CCDC3: variants seen among roughly 807,000 people sequenced by gnomAD.
CCDC3 encodes the protein coiled-coil domain-containing protein 3.
A neutral mutation model predicts 21.4 loss-of-function variants in CCDC3; 24 were observed. The ratio of observed to expected loss-of-function variants is 1.12; its 90% CI spans 0.81 to 1.58. The LOEUF (loss-of-function observed/expected upper bound fraction) is 1.58, where lower values mean the gene tolerates loss of function less well. CCDC3 is among the 40% of genes most tolerant of loss of function. The pLI is 0.00. For missense variants in CCDC3, 425 were observed against 360.9 expected, an observed-to-expected ratio of 1.18 and a Z score of -1.44; for synonymous variants, 186 against 166.0, an observed-to-expected ratio of 1.12 and a Z score of -0.93.
chr10:13,096,120 T>TTCCC, intron 3 of CCDC3, among the ~76,000 whole-genome samples: 1 of 151,512 alleles, frequency 6.6e-6, no homozygotes, highest in East Asian at 2.0e-4. Context: ...CCTTCCTTCC[T>TTCCC]TCCCTCCTTC....
upstream of CCDC3, among the ~76,000 whole-genome samples, chr10:13,005,124 CA>C (rs1835911179): frequency 6.6e-6 from 1 of 152,186 alleles, no homozygotes; most frequent in Non-Finnish European, 1.5e-5. Flanking sequence ...TAGCATACAA[CA>C]AAATCTGCTG....
At chr10:13,098,375 G>T (rs1257909295) in intron 3 of CCDC3, 1 of 151,636 alleles carries the variant, frequency 6.6e-6, no homozygotes, top group African/African-American at 2.4e-5. Flanking sequence ...GTGCAGTGCT[G>T]CAATCACAGC....
At chr10:13,055,713 C>G (rs1052930545) in intron 4 of CCDC3, among the ~76,000 whole-genome samples, 1 of 152,164 alleles carries the variant, frequency 6.6e-6, no homozygotes, top group Non-Finnish European at 1.5e-5. Context: ...ATTACGGTAC[C>G]TTTATCTTCA....
intron 2 of CCDC3, among the ~76,000 whole-genome samples, chr10:12,922,218 G>A (rs954015385): frequency 1.3e-5 from 2 of 152,146 alleles, no homozygotes; most frequent in Non-Finnish European, 2.9e-5. Flanking sequence ...CATGAGTGCC[G>A]TGTTTGTGAA....
At chr10:13,025,913 G>A (rs910167254) in intron 5 of CCDC3, among the ~76,000 whole-genome samples, 2 of 152,174 alleles carry the variant, frequency 1.3e-5, no homozygotes, top group Middle Eastern at 3.2e-3. Flanking sequence ...GGGCATGGTG[G>A]CTCACGCCTG....
At chr10:13,059,890 C>T (rs1470144661) in intron 4 of CCDC3, among the ~76,000 whole-genome samples, 1 of 152,006 alleles carries the variant, frequency 6.6e-6, no homozygotes, top group African/African-American at 2.4e-5. Context: ...GAGATGAGAC[C>T]ATCCTGGCCA....
chr10:12,917,488 G>C (rs2482076), intron 2 of CCDC3, among the ~76,000 whole-genome samples: 1 of 152,038 alleles, frequency 6.6e-6, no homozygotes, highest in African/African-American at 2.4e-5. Flanking sequence ...GAGCCACTGC[G>C]CCCGGCCAGA....
chr10:13,082,581 G>A (rs1170936047), intron 3 of CCDC3, among the ~76,000 whole-genome samples: 4 of 152,180 alleles, frequency 2.6e-5, no homozygotes, highest in Non-Finnish European at 5.9e-5. Context: ...CTCCCCTGGG[G>A]AAAGGGAGAC....
intron 2 of CCDC3, among the ~76,000 whole-genome samples, chr10:12,962,317 G>A (rs1418460993): frequency 1.3e-5 from 2 of 152,152 alleles, no homozygotes; most frequent in East Asian, 3.9e-4. Context: ...AATAAAATGG[G>A]CTTTTGGCCG....
At chr10:12,958,704 G>A (rs1010388295) in intron 2 of CCDC3, among the ~76,000 whole-genome samples, 3 of 152,106 alleles carry the variant, frequency 2.0e-5, no homozygotes, top group Non-Finnish European at 4.4e-5. Context: ...GGGGGCAGGG[G>A]AGACCATGAG....
At chr10:12,978,865 G>A (rs534584284) in intron 2 of CCDC3, among the ~76,000 whole-genome samples, 7 of 152,084 alleles carry the variant, frequency 4.6e-5, no homozygotes, top group Admixed American at 1.3e-4. Flanking sequence ...TTTAATATGC[G>A]TGCTGTTTTG....
At chr10:13,023,469 T>C (rs1836174424) in intron 5 of CCDC3, among the ~76,000 whole-genome samples, 2 of 152,260 alleles carry the variant, frequency 1.3e-5, no homozygotes, top group African/African-American at 4.8e-5. Context: ...TCCTCCTAGC[T>C]TAGTGGCTAG....
rs187510881 is a variant in CCDC3, at chr10:13,048,253, G to A, written c.-2+1421C>T. ...TGTTGCCAGACTGGAGTGCAGTGGCGCGATCTCAGCTCACTGCAGCCTCTG... is the reference window on the plus strand; with the variant it reads ...TGTTGCCAGACTGGAGTGCAGTGGCACGATCTCAGCTCACTGCAGCCTCTG... On this transcript the variant is annotated intron_variant, in intron 5 of 6. Transcript: ENST00000378839. Among the ~76,000 whole-genome samples, 100 of 151,974 alleles carry A rather than the reference G, an allele frequency of 6.6e-4. 1 individual carries two copies. In the South Asian group the frequency reaches 6.9e-3, roughly 10 times the overall value.
Position 13,017,818 on chromosome 10 carries a change from G to C in CCDC3, c.-1-19306C>G, listed in dbSNP as rs141742920. Among the ~76,000 whole-genome samples the C allele has an allele frequency of 2.4e-3, 364 of 152,166 alleles. 3 individuals are homozygous for C. The highest frequency in any genetic ancestry group is 8.3e-3 in the African/African-American group (343 of 41,540). ...TTGACATCCATCAGGACTCAAATTG[G>C]TGTGACTGATAAGGAAGGAAGAAAA... On this transcript the variant is annotated intron_variant, in intron 5 of 6. Transcript: ENST00000378839.
At chr10:12,977,454 A>G (rs1294529134) in intron 2 of CCDC3, among the ~76,000 whole-genome samples, 1 of 152,104 alleles carries the variant, frequency 6.6e-6, no homozygotes, top group African/African-American at 2.4e-5. Flanking sequence ...AAGAGAACAA[A>G]CCCCCGACCC....
At chr10:12,973,491 TTGCCGGTC>T in intron 2 of CCDC3, among the ~76,000 whole-genome samples, 1 of 152,348 alleles carries the variant, frequency 6.6e-6, no homozygotes, top group Admixed American at 6.5e-5. Context: ...CCACTGGTCC[TTGCCGGTC>T]TGTTCAGGAA....
At chr10:12,968,555 T>C (rs1835295181) in intron 2 of CCDC3, among the ~76,000 whole-genome samples, 1 of 152,210 alleles carries the variant, frequency 6.6e-6, no homozygotes, top group African/African-American at 2.4e-5. Context: ...ATAAAACTCA[T>C]TTGTAAAAGT....
upstream of CCDC3, among the ~76,000 whole-genome samples, chr10:13,003,324 A>T (rs892373641): frequency 6.6e-6 from 1 of 151,688 alleles, no homozygotes; most frequent in East Asian, 1.9e-4. Flanking sequence ...TATAACTATT[A>T]TCCTCATTTT....
At chr10:12,992,611 G>T (rs992045481) in intron 2 of CCDC3, among the ~76,000 whole-genome samples, 2 of 151,854 alleles carry the variant, frequency 1.3e-5, no homozygotes, top group Admixed American at 1.3e-4. Context: ...CTATGGGGAC[G>T]CAAAGGCATA....
Sources: allele counts gnomAD v4.1 joint callset (sites outside exome capture counted in the v4.1 genomes callset), GRCh38; gene constraint gnomAD v4.1.1; transcripts MANE v1.5; gene names NCBI Gene and HGNC (gene_info 2026-07-23, HGNC 2026-07-21).